MCTP1: variants seen among roughly 807,000 people sequenced by gnomAD.
MCTP1 encodes the protein multiple C2 and transmembrane domain containing 1.
A neutral mutation model predicts 120.6 loss-of-function variants in MCTP1; 69 were observed. The observed-to-expected ratio is 0.57, with a 90% CI of 0.47 to 0.70. MCTP1 has a LOEUF of 0.70. MCTP1 is among the 30% of genes least tolerant of loss of function. MCTP1 has a pLI of 0.00. For synonymous variants in MCTP1, 529 were observed against 493.1 expected (o/e 1.07, Z -0.96); for missense variants, 1,203 against 1,248.8 (o/e 0.96, Z 0.55).
At chr5:95,209,369 T>A (rs1752055115) in intron 1 of MCTP1, among the ~76,000 whole-genome samples, 1 of 152,172 alleles carries the variant, frequency 6.6e-6, no homozygotes, top group African/African-American at 2.4e-5. Context: ...CTAAGAAATA[T>A]TTCCCTTTGC....
chr5:95,063,880 G>A (rs1229705671), intron 1 of MCTP1, among the ~76,000 whole-genome samples: 1 of 152,096 alleles, frequency 6.6e-6, no homozygotes, highest in African/African-American at 2.4e-5. Flanking sequence ...ATCCACAAAA[G>A]TTGTTACCTC....
chr5:94,928,478 T>C (rs1702341309), intron 6 of MCTP1, among the ~76,000 whole-genome samples: 1 of 152,198 alleles, frequency 6.6e-6, no homozygotes, highest in African/African-American at 2.4e-5. Flanking sequence ...ATTTCTCTGC[T>C]AAAACACATT....
At chr5:94,787,806 C>T (rs1288087697) in intron 18 of MCTP1, among the ~76,000 whole-genome samples, 1 of 151,952 alleles carries the variant, frequency 6.6e-6, no homozygotes, top group Non-Finnish European at 1.5e-5. Context: ...TTAATAGAGA[C>T]GGGGTTTCAC....
At chr5:94,888,833 G>A in intron 12 of MCTP1, 46 bp downstream of exon 12, 1 of 1,161,566 alleles carries the variant, frequency 8.6e-7, no homozygotes, top group Non-Finnish European at 1.3e-6. Flanking sequence ...TGTAGACCTT[G>A]TGTGCTGCTT....
chr5:95,177,719 T>C (rs1471195278), intron 1 of MCTP1, among the ~76,000 whole-genome samples: 1 of 152,206 alleles, frequency 6.6e-6, no homozygotes, highest in Non-Finnish European at 1.5e-5. Context: ...CAGTTGTGCT[T>C]TATTGCAATT....
chr5:94,791,130 A>AG (rs1172354826), intron 18 of MCTP1, among the ~76,000 whole-genome samples: 9 of 150,236 alleles, frequency 6.0e-5, no homozygotes, highest in Admixed American at 6.6e-5. Flanking sequence ...AAAAAAAAAA[A>AG]AAAGAAAAAA....
chr5:95,114,520 TC>T (rs1757678437), intron 1 of MCTP1, among the ~76,000 whole-genome samples: 2 of 152,268 alleles, frequency 1.3e-5, no homozygotes, highest in South Asian at 4.1e-4. Flanking sequence ...CTGGCAATAC[TC>T]CATGTGGGCC....
At chr5:94,894,275 T>C (rs1415254479) in intron 11 of MCTP1, among the ~76,000 whole-genome samples, 2 of 152,210 alleles carry the variant, frequency 1.3e-5, no homozygotes, top group African/African-American at 2.4e-5. Flanking sequence ...ATTAACTCCA[T>C]CGCAAACTTG....
At chr5:94,930,044 G>T (rs540722087) in intron 6 of MCTP1, among the ~76,000 whole-genome samples, 3 of 152,022 alleles carry the variant, frequency 2.0e-5, no homozygotes, top group South Asian at 4.1e-4. Flanking sequence ...TGTATCTTCA[G>T]TTGGAAGCTT....
intron 17 of MCTP1, among the ~76,000 whole-genome samples, chr5:94,816,685 G>T (rs1289177953): frequency 6.6e-6 from 1 of 151,804 alleles, no homozygotes; most frequent in African/African-American, 2.4e-5. Context: ...TTAGGGTAAG[G>T]CAAACATTTT....
intron 19 of MCTP1, among the ~76,000 whole-genome samples, chr5:94,769,822 C>T (rs1328190693): frequency 6.6e-6 from 1 of 152,170 alleles, no homozygotes; most frequent in Non-Finnish European, 1.5e-5. Flanking sequence ...AAAGATAACT[C>T]AGATGCCACT....
chr5:95,006,372 T>C (rs923166847), intron 2 of MCTP1, among the ~76,000 whole-genome samples: 2 of 151,766 alleles, frequency 1.3e-5, no homozygotes, highest in African/African-American at 2.4e-5. Flanking sequence ...TATATATATA[T>C]GTATATTAGA....
chr5:95,082,973 C>T (rs549466686), intron 1 of MCTP1, among the ~76,000 whole-genome samples: 149 of 152,160 alleles, frequency 9.8e-4, no homozygotes, highest in African/African-American at 3.3e-3. Flanking sequence ...TTTTTATTTC[C>T]TTTATAGTAC....
intron 10 of MCTP1, 46 bp from the exon 11 acceptor site, chr5:94,894,881 T>TTTGCCA: frequency 5.4e-6 from 7 of 1,298,440 alleles, no homozygotes; most frequent in Non-Finnish European, 7.4e-6. Flanking sequence ...TTTTTTTTTT[T>TTTGCCA]TGCCATATCA....
chr5:94,860,619 A>G (rs1329276906), intron 17 of MCTP1, among the ~76,000 whole-genome samples: 1 of 151,770 alleles, frequency 6.6e-6, no homozygotes, highest in African/African-American at 2.4e-5. Flanking sequence ...CAGAAAATCC[A>G]AACTAAACTT....
chr5:94,961,579 A>G (rs538485880), intron 2 of MCTP1, among the ~76,000 whole-genome samples: 1 of 152,296 alleles, frequency 6.6e-6, no homozygotes, highest in Admixed American at 6.5e-5. Flanking sequence ...TGTACAATAT[A>G]TATCATACCA....
chr5:94,954,699 A>T (rs1822117037), intron 2 of MCTP1, among the ~76,000 whole-genome samples: 1 of 152,190 alleles, frequency 6.6e-6, no homozygotes, highest in Non-Finnish European at 1.5e-5. Context: ...AAATAGTTTT[A>T]ACAGCATATA....
chr5:95,047,499 A>T (rs1346792058), intron 1 of MCTP1, among the ~76,000 whole-genome samples: 1 of 152,150 alleles, frequency 6.6e-6, no homozygotes, highest in Non-Finnish European at 1.5e-5. Flanking sequence ...CACTAATAAA[A>T]ATAATGAACT....
At chr5:95,258,442 T>G (rs1758117249) in intron 1 of MCTP1, among the ~76,000 whole-genome samples, 1 of 152,120 alleles carries the variant, frequency 6.6e-6, no homozygotes, top group Admixed American at 6.6e-5. Flanking sequence ...AAGAAAAGTT[T>G]GAGAAACTGT....
Sources: gnomAD v4.1 joint callset for allele counts (sites outside exome capture counted in the v4.1 genomes callset) on GRCh38, gnomAD v4.1.1 for gene constraint, MANE v1.5 for transcripts, NCBI Gene and HGNC (gene_info 2026-07-23, HGNC 2026-07-21) for gene names.